PCDHA5: variants seen among roughly 807,000 people sequenced by gnomAD.
The protein encoded by PCDHA5 is protocadherin alpha-5.
In PCDHA5, 43 loss-of-function variants were observed where a neutral mutation model predicts 61.6. The observed-to-expected ratio is 0.70, with a 90% confidence interval of 0.55 to 0.90. The LOEUF is 0.90. PCDHA5 is among the 40% of genes least tolerant of loss of function. PCDHA5 has a pLI of 0.00. For synonymous variants in PCDHA5, 627 were observed against 543.9 expected (o/e 1.15, Z -2.13); for missense variants, 1,298 against 1,222.7 (o/e 1.06, Z -0.92).
intron 1 of PCDHA5, chr5:140,850,503 G>A (rs2041643123): frequency 6.3e-7 from 1 of 1,598,176 alleles, no homozygotes; most frequent in South Asian, 1.1e-5. Flanking sequence ...GGTGTCGCTG[G>A]TGGAGAGCGG....
At chr5:140,879,237 G>C (rs999977997) in intron 1 of PCDHA5, among the ~76,000 whole-genome samples, 14 of 152,134 alleles carry the variant, frequency 9.2e-5, no homozygotes, top group African/African-American at 3.4e-4. Context: ...TATACAAGAG[G>C]CACTGGCAAA....
chr5:140,927,997 C>T (rs139322203), intron 1 of PCDHA5: 298 of 1,614,182 alleles, frequency 1.8e-4, no homozygotes, highest in Admixed American at 5.8e-4. Context: ...GGATGAAGAC[C>T]TCGATTCTAA....
rs1554262820 is a variant in PCDHA5, at chr5:141,010,243, G to A, written c.*306G>A. On this transcript the variant is annotated 3_prime_UTR_variant, in exon 4 of 4. Coordinates refer to ENST00000529859, the MANE Select transcript of PCDHA5 (RefSeq NM_018908.3). The stretch of plus-strand genomic sequence containing the variant: ...TTCCCAGCCCCGCCAGTGAGAGGTT[G>A]GACTCTCTGCCCTGTGCTCCGGGGA... 1 of 1,551,890 alleles carries A rather than the reference G, an allele frequency of 6.4e-7. No individual in the cohort carries two copies. Among genetic ancestry groups the A allele is most frequent in the Non-Finnish European group, 8.7e-7 (1 of 1,147,036 alleles).
intron 3 of PCDHA5, among the ~76,000 whole-genome samples, chr5:140,995,010 T>A (rs1382186138): frequency 6.6e-6 from 1 of 152,156 alleles, no homozygotes; most frequent in Non-Finnish European, 1.5e-5. Context: ...TTGTTTATAT[T>A]TAGGAAAGAA....
At chr5:140,829,620 T>C (rs1770444149) in intron 1 of PCDHA5, 2 of 1,612,108 alleles carry the variant, frequency 1.2e-6, no homozygotes, top group East Asian at 4.5e-5. Context: ...TACATTTCGG[T>C]GCACGCGGAG....
chr5:140,832,014 A>T (rs2150199112), intron 1 of PCDHA5, among the ~76,000 whole-genome samples: 4 of 152,220 alleles, frequency 2.6e-5, no homozygotes, highest in Non-Finnish European at 5.9e-5. Context: ...CATTTTACGT[A>T]AAGATTGAAT....
At chr5:140,910,935 C>T (rs192394348) in intron 1 of PCDHA5, among the ~76,000 whole-genome samples, 4 of 152,192 alleles carry the variant, frequency 2.6e-5, no homozygotes, top group African/African-American at 9.6e-5. Context: ...TAAGAAAGCT[C>T]AAGCAGTTCT....
At chr5:140,857,208 C>G (rs1554149670) in intron 1 of PCDHA5, 4 of 1,598,578 alleles carry the variant, frequency 2.5e-6, no homozygotes, top group Non-Finnish European at 3.4e-6. Flanking sequence ...GTCACCTGCT[C>G]TCTGACGCCT....
At chr5:140,886,690 G>T (rs1321168089) in intron 1 of PCDHA5, among the ~76,000 whole-genome samples, 3 of 151,964 alleles carry the variant, frequency 2.0e-5, no homozygotes, top group African/African-American at 7.2e-5. Flanking sequence ...GCGAGGCATG[G>T]TGGCACGCGC....
At chr5:140,942,351 G>A (rs893015832) in intron 1 of PCDHA5, among the ~76,000 whole-genome samples, 1 of 152,024 alleles carries the variant, frequency 6.6e-6, no homozygotes, top group Admixed American at 6.6e-5. Flanking sequence ...GGCGGAGGTT[G>A]CAGTTAACGG....
At chr5:140,904,110 T>C (rs556511949) in intron 1 of PCDHA5, among the ~76,000 whole-genome samples, 2 of 152,218 alleles carry the variant, frequency 1.3e-5, no homozygotes, top group Non-Finnish European at 2.9e-5. Context: ...TGGTCATTGC[T>C]GAGATTTTGG....
intron 1 of PCDHA5, among the ~76,000 whole-genome samples, chr5:140,893,950 T>A (rs1244558882): frequency 6.6e-6 from 1 of 152,206 alleles, no homozygotes; most frequent in Non-Finnish European, 1.5e-5. Flanking sequence ...TCTGCATGAC[T>A]TTATTAGTCA....
chr5:140,905,843 T>C (rs1554192236), intron 1 of PCDHA5, among the ~76,000 whole-genome samples: 1 of 152,126 alleles, frequency 6.6e-6, no homozygotes, highest in South Asian at 2.1e-4. Flanking sequence ...GGGAGTTTAT[T>C]AAGGAGTATT....
Position 140,823,986 on chromosome 5 carries a change from T to A in PCDHA5, c.2211T>A (p.Thr737=), listed in dbSNP as rs2150131156. Residue 737 remains threonine (T), a synonymous_variant, in exon 1 of 4, where the codon ACT becomes ACA. Coordinates refer to ENST00000529859, the MANE Select transcript of PCDHA5 (RefSeq NM_018908.3). The part of the protein sequence containing the change: ...TEAVCTRGKP[T]LLCSSAVGSW... ...CCGTGTGCACACGGGGCAAGCCCAC[T>A]CTGTTGTGCTCCAGCGCGGTGGGGA... The A allele has an allele frequency of 3.9e-5, 63 of 1,613,776 alleles. No individual in the cohort carries two copies. The Admixed American group carries it at 1.0e-3, about 27-fold the overall frequency.
chr5:140,863,007 A>G (rs1554157449), intron 1 of PCDHA5: 1 of 551,416 alleles, frequency 1.8e-6, no homozygotes, highest in Non-Finnish European at 3.6e-6. Context: ...GACTCCAGCT[A>G]TGACGCCTGG....
intron 3 of PCDHA5, among the ~76,000 whole-genome samples, chr5:141,007,166 A>C (rs548434277): frequency 3.3e-5 from 5 of 152,294 alleles, no homozygotes; most frequent in Admixed American, 6.5e-5. Context: ...GAACAGTCAG[A>C]GAGAAAGGTC....
intron 1 of PCDHA5, chr5:140,884,562 A>G (rs782650365): frequency 3.1e-6 from 5 of 1,614,166 alleles, no homozygotes; most frequent in Admixed American, 1.7e-5. Flanking sequence ...GAGGGCCCGC[A>G]TAAGACGGAC....
chr5:140,863,120 C>T, intron 1 of PCDHA5: 4 of 591,460 alleles, frequency 6.8e-6, no homozygotes, highest in Non-Finnish European at 1.0e-5. Context: ...GCGAAAGCTA[C>T]GCGCCACCGC....
chr5:140,887,565 T>C (rs1214384060), intron 1 of PCDHA5, among the ~76,000 whole-genome samples: 2 of 152,180 alleles, frequency 1.3e-5, no homozygotes, highest in Admixed American at 1.3e-4. Context: ...TTAAAACTTT[T>C]CTTTTTATCC....
Sources: gnomAD v4.1 joint callset for allele counts (sites outside exome capture counted in the v4.1 genomes callset) on GRCh38, gnomAD v4.1.1 for gene constraint, MANE v1.5 for transcripts, NCBI Gene and HGNC (gene_info 2026-07-23, HGNC 2026-07-21) for gene names.